The following NUP214 variants were observed in gnomAD, a reference collection of about 807,000 sequenced individuals.
The protein encoded by NUP214 is nucleoporin 214, also known as nuclear pore complex protein Nup214.
A neutral mutation model predicts 196.2 loss-of-function variants in NUP214; 79 were observed. The ratio of observed to expected loss-of-function variants is 0.40; its 90% CI spans 0.34 to 0.49. NUP214 has a LOEUF of 0.49. NUP214 is among the 20% of genes least tolerant of loss of function. NUP214 has a pLI of 0.58. For synonymous variants in NUP214, 1,020 were observed against 990.5 expected (o/e 1.03, Z -0.56); for missense variants, 2,468 against 2,539.0 (o/e 0.97, Z 0.60).
intron 29 of NUP214, among the ~76,000 whole-genome samples, chr9:131,200,733 A>G (rs1833917386): frequency 6.6e-6 from 1 of 151,888 alleles, no homozygotes; most frequent in Non-Finnish European, 1.5e-5. Flanking sequence ...AAGAAACGAG[A>G]GTAGAACTCC....
At chr9:131,196,910 A>G (rs867478351) in intron 28 of NUP214, among the ~76,000 whole-genome samples, 3 of 152,236 alleles carry the variant, frequency 2.0e-5, no homozygotes, top group Admixed American at 6.5e-5. Context: ...AAATTAAGGG[A>G]AGAGGCTTTT....
In NUP214 at chr9:131,146,540, G is replaced by A. The variant is rs1832091174; in HGVS notation, c.1945+236G>A. Among the ~76,000 whole-genome samples, 2 of 152,178 alleles carry A rather than the reference G, an allele frequency of 1.3e-5. No homozygotes were observed. On this transcript the variant is annotated intron_variant, in intron 13 of 35. Coordinates refer to ENST00000359428, the MANE Select transcript of NUP214 (RefSeq NM_005085.4). This position sits in a 1 kb window ranked among gnomAD's most constrained non-coding sequence, Gnocchi z 4.6. ...TCTTATGGAGCTAAGTGTATTTAATGAGTCAAAAATGCCTTGCTCTTGGGC... is the reference window on the plus strand; with the variant it reads ...TCTTATGGAGCTAAGTGTATTTAATAAGTCAAAAATGCCTTGCTCTTGGGC...
At chr9:131,152,136 G>A (rs908048102) in intron 17 of NUP214, among the ~76,000 whole-genome samples, 1 of 151,932 alleles carries the variant, frequency 6.6e-6, no homozygotes, top group Admixed American at 6.6e-5. Context: ...TCTTGAGACA[G>A]GGTCTTCTCA....
intron 30 of NUP214, among the ~76,000 whole-genome samples, chr9:131,210,774 T>C (rs945985290): frequency 3.9e-5 from 6 of 151,960 alleles, no homozygotes; most frequent in African/African-American, 1.2e-4. Context: ...TTATCTAAAA[T>C]GAAGGTCAGA....
intron 32 of NUP214, 133 bp from the exon 33 acceptor site, chr9:131,228,027 T>G: frequency 1.2e-6 from 1 of 847,852 alleles, no homozygotes; most frequent in Non-Finnish European, 1.7e-6. Context: ...AGTTCTTGCA[T>G]TTGAATTGCT....
chr9:131,127,687 A>G lies in NUP214; in HGVS notation c.209A>G (p.Gln70Arg), dbSNP rs1489050037. The change falls in exon 2 of 36, where the codon CAA (glutamine) becomes CGA (arginine). Residue 70 changes from glutamine (Q) to arginine (R), a missense_variant. This residue lies in a region of NUP214 where 392 missense variants were observed against 417.9 expected (regional missense o/e 0.94). Coordinates refer to ENST00000359428, the MANE Select transcript of NUP214 (RefSeq NM_005085.4). Reference sequence around the variant, plus strand: ...TTTCCTACTAAAAATCTTCTTATTCAAAATAAACCCGGAGATGATCCCAAC... The same window carrying G: ...TTTCCTACTAAAAATCTTCTTATTCGAAATAAACCCGGAGATGATCCCAAC... ...QIFPTKNLLI[Q>R]NKPGDDPNKI... 1 of 1,614,062 alleles carries G rather than the reference A, an allele frequency of 6.2e-7. No individual in the cohort carries two copies. Among genetic ancestry groups the G allele is most frequent in the East Asian group, 2.2e-5 (1 of 44,876 alleles).
At chr9:131,187,589 G>A (rs765624983) in intron 25 of NUP214, among the ~76,000 whole-genome samples, 7 of 152,114 alleles carry the variant, frequency 4.6e-5, no homozygotes, top group East Asian at 1.9e-4. Context: ...GTTTCACCGC[G>A]TTGGCCAGGC....
intron 4 of NUP214, among the ~76,000 whole-genome samples, 187 bp downstream of exon 4, chr9:131,129,664 G>A (rs1392135063): frequency 6.6e-6 from 1 of 152,002 alleles, no homozygotes; most frequent in East Asian, 1.9e-4. Flanking sequence ...GAGTACAGTG[G>A]CATCATCTCA....
In NUP214 at chr9:131,135,936, T is replaced by C; in HGVS notation, c.939-4T>C. 1.9e-6 allele frequency: 3 copies of C among 1,613,090 alleles called. No homozygotes were observed. Among genetic ancestry groups the C allele is most frequent in the Non-Finnish European group, 2.5e-6 (3 of 1,179,128 alleles). On this transcript the variant is annotated splice_region_variant and splice_polypyrimidine_tract_variant and intron_variant, in intron 8 of 35. Coordinates refer to ENST00000359428, the MANE Select transcript of NUP214 (RefSeq NM_005085.4). ...CGTAATGGTCTCTGGTTTTATTCTTTAAGGGATTTAGTGCTGGCAGCATCT... is the reference window on the plus strand; with the variant it reads ...CGTAATGGTCTCTGGTTTTATTCTTCAAGGGATTTAGTGCTGGCAGCATCT...
chr9:131,157,450 G>A (rs928853660), intron 17 of NUP214, among the ~76,000 whole-genome samples: 14 of 143,132 alleles, frequency 9.8e-5, no homozygotes, highest in African/African-American at 3.7e-4. Flanking sequence ...GTGAGCCACT[G>A]TGTCTGGCGT....
At chr9:131,152,034 G>T (rs1289923895) in intron 17 of NUP214, 140 bp downstream of exon 17, 4 of 625,370 alleles carry the variant, frequency 6.4e-6, no homozygotes, top group Non-Finnish European at 1.0e-5. Flanking sequence ...CACATTTCCC[G>T]TAAACTTCCT....
intron 23 of NUP214, among the ~76,000 whole-genome samples, chr9:131,177,608 T>C (rs1186986902): frequency 6.6e-6 from 1 of 152,194 alleles, no homozygotes; most frequent in Non-Finnish European, 1.5e-5. Context: ...CTGCTTGTGA[T>C]AACCACTTTC....
At chr9:131,129,586 C>A in intron 4 of NUP214, 109 bp downstream of exon 4, 2 of 1,019,076 alleles carry the variant, frequency 2.0e-6, no homozygotes, top group South Asian at 1.5e-5. Flanking sequence ...TTTTTTTTTT[C>A]ATGACGAGGG....
chr9:131,217,755 T>A (rs1369110109), intron 31 of NUP214, among the ~76,000 whole-genome samples: 2 of 152,232 alleles, frequency 1.3e-5, no homozygotes, highest in African/African-American at 4.8e-5. Flanking sequence ...ACTGGCCAAT[T>A]TTGTTAAAAG....
intron 27 of NUP214, among the ~76,000 whole-genome samples, chr9:131,194,938 C>T (rs1833732627): frequency 6.6e-6 from 1 of 152,164 alleles, no homozygotes; most frequent in Non-Finnish European, 1.5e-5. Flanking sequence ...TGCAGCTTTG[C>T]TCATCTTGCA....
chr9:131,147,615 G>A (rs746034737), intron 14 of NUP214, 31 bp downstream of exon 14: 2 of 1,497,644 alleles, frequency 1.3e-6, no homozygotes, highest in Admixed American at 1.7e-5. Flanking sequence ...CAATGTTTGT[G>A]TTTATTAATT....
chr9:131,188,881 A>G (rs1224376141), intron 25 of NUP214, among the ~76,000 whole-genome samples, 172 bp from the exon 26 acceptor site: 1 of 152,190 alleles, frequency 6.6e-6, no homozygotes, highest in Non-Finnish European at 1.5e-5. Context: ...ACATATGGTT[A>G]ACTTAAATTG....
rs774549083 is a variant in NUP214, at chr9:131,184,353, A to T, written c.3420-2936A>T. ...CCTCTCTCTTTTTTTTTTTTTTTTG[A>T]GATGGAGTCTCGCTCTGTCACTCAG... On this transcript the variant is annotated intron_variant, in intron 24 of 35. Transcript: ENST00000359428. 1.8e-3 allele frequency among the ~76,000 whole-genome samples: 213 copies of T among 119,982 alleles called. 1 individual carries two copies. The highest frequency in any genetic ancestry group is 7.9e-3 in the Admixed American group (86 of 10,818). 78.7% of individuals were successfully genotyped at this position (119,982 alleles called of 152,430 possible). A position where few individuals can be genotyped will look rare whatever the true frequency, so the allele number is the denominator to read the frequency against.
At chr9:131,175,430 A>G in intron 22 of NUP214, 30 bp from the exon 23 acceptor site, 1 of 1,612,884 alleles carries the variant, frequency 6.2e-7, no homozygotes, top group Non-Finnish European at 8.5e-7. Context: ...TCTCTCACCC[A>G]CTCACACTTA....
Sources: gnomAD v4.1 joint callset for allele counts (sites outside exome capture counted in the v4.1 genomes callset) on GRCh38, gnomAD v4.1.1 for gene constraint, gnomAD v4.1.1 regional missense constraint, Gnocchi (gnomAD v3.1) non-coding constraint, MANE v1.5 for transcripts, NCBI Gene and HGNC (gene_info 2026-07-23, HGNC 2026-07-21) for gene names.